TBC1D4: variants seen among roughly 807,000 people sequenced by gnomAD.
TBC1D4 encodes the protein TBC1 domain family member 4.
TBC1D4 carries 121 observed loss-of-function variants against 142.5 expected under a neutral mutation model. That is an observed-to-expected ratio of 0.85 (90% CI 0.73 to 0.99). TBC1D4 has a LOEUF of 0.99. TBC1D4 is among the 50% of genes least tolerant of loss of function. The probability of loss-of-function intolerance (pLI) is 0.00; values close to 1 mark genes in which losing one functional copy is unlikely to be tolerated. For synonymous variants in TBC1D4, 630 were observed against 628.2 expected, an observed-to-expected ratio of 1.00 and a Z score of -0.04; for missense variants, 1,475 against 1,606.6, an observed-to-expected ratio of 0.92 and a Z score of 1.40.
At chr13:75,360,647 G>A (rs1882429059) in intron 2 of TBC1D4, among the ~76,000 whole-genome samples, 1 of 152,066 alleles carries the variant, frequency 6.6e-6, no homozygotes, top group African/African-American at 2.4e-5. Flanking sequence ...ACTGAGCTCA[G>A]AAAGCAAATC....
intron 3 of TBC1D4, among the ~76,000 whole-genome samples, chr13:75,359,513 T>C (rs1425803698): frequency 6.6e-6 from 1 of 152,164 alleles, no homozygotes; most frequent in Non-Finnish European, 1.5e-5. Context: ...AGGGATTTGA[T>C]GGTATTACAA....
chr13:75,329,045 G>A (rs1879520181), intron 8 of TBC1D4, among the ~76,000 whole-genome samples: 1 of 151,880 alleles, frequency 6.6e-6, no homozygotes, highest in South Asian at 2.1e-4. Flanking sequence ...AGTATCTATT[G>A]ACTTCCTAAC....
At chr13:75,324,928 C>T (rs1879100807) in intron 10 of TBC1D4, among the ~76,000 whole-genome samples, 1 of 152,118 alleles carries the variant, frequency 6.6e-6, no homozygotes, top group African/African-American at 2.4e-5. Flanking sequence ...TGGAATTGTG[C>T]CACTATGGTT....
chr13:75,407,944 T>G (rs1160250558), intron 1 of TBC1D4, among the ~76,000 whole-genome samples: 1 of 152,070 alleles, frequency 6.6e-6, no homozygotes, highest in African/African-American at 2.4e-5. Context: ...GAAAATAAGC[T>G]ACCATATTTT....
At chr13:75,300,513 T>C (rs1446850911) in intron 16 of TBC1D4, among the ~76,000 whole-genome samples, 2 of 135,836 alleles carry the variant, frequency 1.5e-5, no homozygotes, top group Non-Finnish European at 3.0e-5. Flanking sequence ...TTAAAAGTGA[T>C]TTTTTTTTCT....
At chr13:75,413,710 C>G (rs2138089911) in intron 1 of TBC1D4, among the ~76,000 whole-genome samples, 1 of 152,248 alleles carries the variant, frequency 6.6e-6, no homozygotes, top group South Asian at 2.1e-4. Flanking sequence ...CACTAAGCAT[C>G]ACGGCGGGAA....
chr13:75,340,221 CTG>C (rs1218240028), intron 7 of TBC1D4, among the ~76,000 whole-genome samples: 1 of 152,188 alleles, frequency 6.6e-6, no homozygotes, highest in African/African-American at 2.4e-5. Context: ...AAATGAAGGA[CTG>C]TGTACTAACA....
intron 5 of TBC1D4, among the ~76,000 whole-genome samples, chr13:75,342,542 C>A (rs1035998246): frequency 6.6e-6 from 1 of 152,080 alleles, no homozygotes; most frequent in African/African-American, 2.4e-5. Context: ...ATCAAGAAAT[C>A]ATTTACTTCT....
intron 15 of TBC1D4, among the ~76,000 whole-genome samples, chr13:75,305,738 C>T (rs770879906): frequency 9.9e-5 from 15 of 152,110 alleles, no homozygotes; most frequent in Non-Finnish European, 1.9e-4. Context: ...GAAACTGCAA[C>T]TAAAAGTTGA....
rs764567978 is a variant in TBC1D4, at chr13:75,286,204, C to T, written c.*588G>A. 18 of 153,494 alleles carry T rather than the reference C, an allele frequency of 1.2e-4. No homozygotes were observed. The highest frequency in any genetic ancestry group is 3.1e-4 in the African/African-American group (13 of 41,442). The allele number at this position is 153,494 out of a possible 1,614,324, so 9.5% of individuals were successfully genotyped here. A position where few individuals can be genotyped will look rare whatever the true frequency, so the allele number is the denominator to read the frequency against. Reference sequence around the variant, plus strand: ...AGCAGGCAGGGAGAAATGACCCTACCTTCCCAAAAAACTCACAGGAGCATG... The same window carrying T: ...AGCAGGCAGGGAGAAATGACCCTACTTTCCCAAAAAACTCACAGGAGCATG... On this transcript the variant is annotated 3_prime_UTR_variant, in exon 21 of 21. Coordinates refer to ENST00000377636, the MANE Select transcript of TBC1D4 (RefSeq NM_014832.5).
intron 1 of TBC1D4, among the ~76,000 whole-genome samples, chr13:75,396,456 G>A (rs1379610768): frequency 6.6e-6 from 1 of 152,126 alleles, no homozygotes; most frequent in African/African-American, 2.4e-5. Context: ...AAAAAGTAAA[G>A]AGATTCTTAA....
At chr13:75,372,491 A>G (rs983243381) in intron 1 of TBC1D4, among the ~76,000 whole-genome samples, 5 of 152,142 alleles carry the variant, frequency 3.3e-5, no homozygotes, top group Non-Finnish European at 7.4e-5. Flanking sequence ...GCTGGTCTCA[A>G]ACTCCTGACC....
At chr13:75,343,554 G>A (rs1056472329) in intron 5 of TBC1D4, among the ~76,000 whole-genome samples, 13 of 150,798 alleles carry the variant, frequency 8.6e-5, no homozygotes, top group African/African-American at 3.0e-4. Flanking sequence ...TTTCGCTCTC[G>A]TTGCCCGGGC....
At chr13:75,402,886 G>A (rs1885168122) in intron 1 of TBC1D4, among the ~76,000 whole-genome samples, 1 of 152,164 alleles carries the variant, frequency 6.6e-6, no homozygotes, top group Non-Finnish European at 1.5e-5. Context: ...CTCACAAGGA[G>A]ATTAAGTTAC....
chr13:75,438,694 C>T lies in TBC1D4; in HGVS notation c.498+42576G>A, dbSNP rs145779728. ...TGCAGAAACATGGTGTGTCTCTTCACTTATTTTTTAAAGCAGATTAATGTC... is the reference window on the plus strand; with the variant it reads ...TGCAGAAACATGGTGTGTCTCTTCATTTATTTTTTAAAGCAGATTAATGTC... On this transcript the variant is annotated intron_variant, in intron 1 of 20. Coordinates refer to ENST00000377636, the MANE Select transcript of TBC1D4 (RefSeq NM_014832.5). Among the ~76,000 whole-genome samples, 11 of 152,276 alleles carry T rather than the reference C, an allele frequency of 7.2e-5. No homozygotes were observed. In the East Asian group the frequency reaches 1.7e-3, roughly 24 times the overall value.
At chr13:75,415,014 C>T (rs1178763042) in intron 1 of TBC1D4, among the ~76,000 whole-genome samples, 1 of 151,268 alleles carries the variant, frequency 6.6e-6, no homozygotes, top group Non-Finnish European at 1.5e-5. Flanking sequence ...ATCCCAGCTA[C>T]TTGGGAGGCT....
Position 75,362,352 on chromosome 13 carries a change from G to A in TBC1D4, c.754C>T (p.Leu252=), listed in dbSNP as rs748942846. The A allele has an allele frequency of 1.2e-6, 2 of 1,614,088 alleles. No homozygotes were observed. The highest frequency in any genetic ancestry group is 2.7e-5 in the African/African-American group (2 of 74,944). Residue 252 remains leucine, a synonymous_variant, in exon 2 of 21, where the codon CTG becomes TTG. Transcript: ENST00000377636. This position sits in a 1 kb window ranked among gnomAD's most constrained non-coding sequence, Gnocchi z 4.2. ...EQRGPDPGED[L]ADLEVVVPGS... ...GGCACCACCACCTCCAAGTCAGCCA[G>A]GTCCTCTCCTGGGTCCGGACCGCGC...
chr13:75,366,484 G>C (rs925650469), intron 1 of TBC1D4, among the ~76,000 whole-genome samples: 6 of 152,168 alleles, frequency 3.9e-5, no homozygotes, highest in African/African-American at 1.2e-4. Flanking sequence ...ACCTGAAGTA[G>C]TGTGCAAGTT....
intron 1 of TBC1D4, among the ~76,000 whole-genome samples, chr13:75,366,603 T>TA (rs1368845927): frequency 2.0e-5 from 3 of 152,078 alleles, no homozygotes; most frequent in Non-Finnish European, 4.4e-5. Flanking sequence ...ATTTTGTTGT[T>TA]ACACCTTCAG....
Sources: gnomAD v4.1 joint callset for allele counts (sites outside exome capture counted in the v4.1 genomes callset) on GRCh38, gnomAD v4.1.1 for gene constraint, Gnocchi (gnomAD v3.1) non-coding constraint, MANE v1.5 for transcripts, NCBI Gene and HGNC (gene_info 2026-07-23, HGNC 2026-07-21) for gene names.